SLCO3A1: variants seen among roughly 807,000 people sequenced by gnomAD.
SLCO3A1 encodes solute carrier organic anion transporter family member 3A1.
In SLCO3A1, 27 loss-of-function variants were observed where a neutral mutation model predicts 63.1. The ratio of observed to expected loss-of-function variants is 0.43; its 90% CI spans 0.32 to 0.59. The LOEUF (loss-of-function observed/expected upper bound fraction) is 0.59, where lower values mean the gene tolerates loss of function less well. Among genes scored for constraint, SLCO3A1 ranks in the 20% least tolerant of loss-of-function variants. SLCO3A1 has a pLI of 0.09. For synonymous variants in SLCO3A1, 473 were observed against 409.9 expected, an observed-to-expected ratio of 1.15 and a Z score of -1.86; for missense variants, 773 against 945.8, an observed-to-expected ratio of 0.82 and a Z score of 2.40.
At chr15:91,880,106 C>CGTCT (rs1597083357) in intron 1 of SLCO3A1, among the ~76,000 whole-genome samples, 1 of 72,162 alleles carries the variant, frequency 1.4e-5, no homozygotes, top group Non-Finnish European at 2.8e-5. Flanking sequence ...TGTGTCCGTC[C>CGTCT]GTCCGTCCGT....
intron 1 of SLCO3A1, among the ~76,000 whole-genome samples, chr15:91,891,650 A>T (rs1897873803): frequency 1.3e-5 from 2 of 152,226 alleles, no homozygotes; most frequent in Non-Finnish European, 2.9e-5. Flanking sequence ...TGAATGTCTT[A>T]CAGGGTAATG....
chr15:91,943,520 C>A (rs1899694094), intron 2 of SLCO3A1, among the ~76,000 whole-genome samples: 1 of 152,192 alleles, frequency 6.6e-6, no homozygotes, highest in African/African-American at 2.4e-5. Context: ...CCTATGGCTG[C>A]TGTGAATTAA....
At chr15:91,961,605 T>C (rs1199667684) in intron 2 of SLCO3A1, among the ~76,000 whole-genome samples, 1 of 152,212 alleles carries the variant, frequency 6.6e-6, no homozygotes, top group African/African-American at 2.4e-5. Context: ...AAATCCTACC[T>C]CAGGGCCTTT....
intron 2 of SLCO3A1, among the ~76,000 whole-genome samples, chr15:92,030,809 C>T (rs776237035): frequency 9.9e-5 from 15 of 152,092 alleles, no homozygotes; most frequent in Non-Finnish European, 1.5e-4. Context: ...CTAAGTACAC[C>T]GGTGAGTACA....
intron 4 of SLCO3A1, among the ~76,000 whole-genome samples, chr15:92,112,640 G>T (rs375449763): frequency 3.3e-5 from 5 of 152,370 alleles, no homozygotes; most frequent in African/African-American, 1.2e-4. Flanking sequence ...ACAGATCAGA[G>T]CTGGTCCTCC....
Position 92,128,060 on chromosome 15 carries a change from G to A in SLCO3A1, c.1374-291G>A, listed in dbSNP as rs554585632. Among the ~76,000 whole-genome samples the A allele has an allele frequency of 5.9e-5, 9 of 152,248 alleles. No individual in the cohort carries two copies. In the South Asian group the frequency reaches 1.7e-3, roughly 28 times the overall value. On this transcript the variant is annotated intron_variant, in intron 6 of 9. Coordinates refer to ENST00000318445, the MANE Select transcript of SLCO3A1 (RefSeq NM_013272.4). ...AGTGATAAAAAGCATCTTCCTCCTC[G>A]CTTCATGAGAGGGGCTGGAGTGGAC...
At chr15:91,909,732 C>G (rs1347239927) in intron 1 of SLCO3A1, among the ~76,000 whole-genome samples, 8 of 152,218 alleles carry the variant, frequency 5.3e-5, no homozygotes, top group African/African-American at 1.9e-4. Flanking sequence ...TCACCCTTCA[C>G]AAGCGCTCCA....
chr15:91,900,496 A>G lies in SLCO3A1; in HGVS notation c.181-15497A>G, dbSNP rs1898126325. On this transcript the variant is annotated intron_variant, in intron 1 of 9. Coordinates refer to ENST00000318445, the MANE Select transcript of SLCO3A1 (RefSeq NM_013272.4). The surrounding 1 kb of genome is among the most constrained non-coding windows in gnomAD (Gnocchi z 4.3). ...AGGTGCATGCCACTGTGCCCGGCTA[A>G]TTTTTGTATTTTCAGTAGAGACGGG... Among the ~76,000 whole-genome samples, 1 of 151,880 alleles carries G rather than the reference A, an allele frequency of 6.6e-6. No homozygotes were observed. The highest frequency in any genetic ancestry group is 2.4e-5 in the African/African-American group (1 of 41,328).
At position 92,164,473 on chromosome 15, in the gene SLCO3A1, T is replaced by G. The variant is rs1729036834; in HGVS notation, c.*1338T>G. 1 of 985,338 alleles carries G rather than the reference T, an allele frequency of 1.0e-6. No individual in the cohort carries two copies. The highest frequency in any genetic ancestry group is 1.7e-5 in the African/African-American group (1 of 57,250). The allele number at this position is 985,338 out of a possible 1,614,324, so 61.0% of individuals were successfully genotyped here. On this transcript the variant is annotated 3_prime_UTR_variant, in exon 10 of 10. Transcript: ENST00000318445. ...GTCACGGGAAACCCTTTTATATTCA[T>G]GCTTGACATTCCAAGAGGCGTTCTT...
intron 2 of SLCO3A1, among the ~76,000 whole-genome samples, chr15:91,931,064 T>C (rs556559235): frequency 1.3e-4 from 20 of 152,334 alleles, no homozygotes; most frequent in African/African-American, 4.1e-4. Flanking sequence ...CTGGAAAATA[T>C]TGACCAAATG....
At chr15:91,962,954 A>G (rs1408379472) in intron 2 of SLCO3A1, among the ~76,000 whole-genome samples, 1 of 152,220 alleles carries the variant, frequency 6.6e-6, no homozygotes, top group Non-Finnish European at 1.5e-5. Flanking sequence ...GTGTGCATTC[A>G]TCTGAAGACA....
Position 92,165,195 on chromosome 15 carries a change from A to G in SLCO3A1, c.*2060A>G, listed in dbSNP as rs1418115987. On this transcript the variant is annotated 3_prime_UTR_variant, in exon 10 of 10. Coordinates refer to ENST00000318445, the MANE Select transcript of SLCO3A1 (RefSeq NM_013272.4). ...TGGTATGGGGCCACCGTGATCAGCT[A>G]CCTGGGGCAGGATGCTTCTGAGACA... The G allele has an allele frequency of 1.0e-6, 1 of 985,462 alleles. No individual in the cohort carries two copies. The highest frequency in any genetic ancestry group is 1.2e-6 in the Non-Finnish European group (1 of 829,946). The allele number at this position is 985,462 out of a possible 1,614,324, so 61.0% of individuals were successfully genotyped here. A position where few individuals can be genotyped will look rare whatever the true frequency, so the allele number is the denominator to read the frequency against.
At position 92,165,426 on chromosome 15, in the gene SLCO3A1, T is replaced by C. The variant is rs2048485816; in HGVS notation, c.*2291T>C. 1 of 985,336 alleles carries C rather than the reference T, an allele frequency of 1.0e-6. No individual in the cohort carries two copies. Among genetic ancestry groups the C allele is most frequent in the Non-Finnish European group, 1.2e-6 (1 of 829,838 alleles). 61.0% of individuals were successfully genotyped at this position (985,336 alleles called of 1,614,324 possible). ...GCTAATAGGTCACTCTTATAGATTA[T>C]TGCTTGGCCCTTCAAACTCAGTACA... is the stretch of plus-strand genomic sequence containing the variant. On this transcript the variant is annotated 3_prime_UTR_variant, in exon 10 of 10. Coordinates refer to ENST00000318445, the MANE Select transcript of SLCO3A1 (RefSeq NM_013272.4).
At chr15:91,879,996 A>C (rs1462449432) in intron 1 of SLCO3A1, among the ~76,000 whole-genome samples, 2 of 152,114 alleles carry the variant, frequency 1.3e-5, no homozygotes, top group Non-Finnish European at 2.9e-5. Context: ...CTCTGTGCAG[A>C]ATGTCTGAAT....
rs1006148748 is a variant in SLCO3A1, at chr15:91,941,099, G to T, written c.646+24641G>T. 6.6e-6 allele frequency among the ~76,000 whole-genome samples: 1 copy of T among 152,160 alleles called. No individual in the cohort carries two copies. The highest frequency in any genetic ancestry group is 1.5e-5 in the Non-Finnish European group (1 of 68,028). Reference sequence around the variant, plus strand: ...TCTGACATTAACGTGCAAGCCTCTGGCCGTGCAATTAGAGGTTGTTAGGCA... The same window carrying T: ...TCTGACATTAACGTGCAAGCCTCTGTCCGTGCAATTAGAGGTTGTTAGGCA... On this transcript the variant is annotated intron_variant, in intron 2 of 9. Transcript: ENST00000318445. The surrounding 1 kb of genome is among the most constrained non-coding windows in gnomAD (Gnocchi z 4.4).
chr15:91,989,675 A>T (rs1412559931), intron 2 of SLCO3A1, among the ~76,000 whole-genome samples: 1 of 152,236 alleles, frequency 6.6e-6, no homozygotes, highest in Non-Finnish European at 1.5e-5. Context: ...ATTTGGCTCT[A>T]CTTAGATTAA....
At chr15:92,077,461 G>T (rs943140417) in intron 2 of SLCO3A1, among the ~76,000 whole-genome samples, 1 of 152,194 alleles carries the variant, frequency 6.6e-6, no homozygotes, top group Non-Finnish European at 1.5e-5. Flanking sequence ...AGAGGAGCTG[G>T]TGACCCTCCT....
intron 2 of SLCO3A1, among the ~76,000 whole-genome samples, chr15:91,965,145 A>G (rs578111159): frequency 2.0e-5 from 3 of 152,238 alleles, no homozygotes; most frequent in East Asian, 1.9e-4. Flanking sequence ...GGGAAGAGGT[A>G]TACATTAAAA....
At chr15:92,157,492 A>T (rs1466859149) in intron 9 of SLCO3A1, among the ~76,000 whole-genome samples, 3 of 141,324 alleles carry the variant, frequency 2.1e-5, no homozygotes, top group Non-Finnish European at 3.1e-5. Flanking sequence ...ATGTGGAGAA[A>T]TTTTTTTTTT....
Sources: allele counts gnomAD v4.1 joint callset (sites outside exome capture counted in the v4.1 genomes callset), GRCh38; gene constraint gnomAD v4.1.1; non-coding constraint Gnocchi (gnomAD v3.1); transcripts MANE v1.5; gene names NCBI Gene and HGNC (gene_info 2026-07-23, HGNC 2026-07-21).